The following LRRTM4 variants were observed in gnomAD, a reference collection of about 807,000 sequenced individuals.
LRRTM4 encodes leucine-rich repeat transmembrane neuronal protein 4.
Under a neutral mutation model 47.6 loss-of-function variants are expected in LRRTM4, and 25 were observed. The observed-to-expected ratio is 0.53, with a 90% CI of 0.38 to 0.73. LRRTM4 has a LOEUF of 0.73. Among genes scored for constraint, LRRTM4 ranks in the 30% least tolerant of loss-of-function variants. The pLI, the probability that LRRTM4 is intolerant of heterozygous loss-of-function variation, is 0.00. For missense variants in LRRTM4, 638 were observed against 713.4 expected, an observed-to-expected ratio of 0.89 and a Z score of 1.20; for synonymous variants, 311 against 269.5, an observed-to-expected ratio of 1.15 and a Z score of -1.51.
At chr2:77,442,823 T>C (rs1394963986) in intron 3 of LRRTM4, among the ~76,000 whole-genome samples, 3 of 152,176 alleles carry the variant, frequency 2.0e-5, no homozygotes, top group Admixed American at 6.5e-5. Flanking sequence ...AAAGATATTC[T>C]TGAAGAAGTG....
chr2:77,015,735 A>C (rs1678042527), intron 3 of LRRTM4, among the ~76,000 whole-genome samples: 1 of 152,178 alleles, frequency 6.6e-6, no homozygotes, highest in South Asian at 2.1e-4. Flanking sequence ...GATAGAAAAA[A>C]GGGGAAAAAG....
chr2:77,156,746 C>T (rs1291848972), intron 3 of LRRTM4, among the ~76,000 whole-genome samples: 1 of 148,460 alleles, frequency 6.7e-6, no homozygotes, highest in Non-Finnish European at 1.5e-5. Flanking sequence ...CTTACCCTGT[C>T]ACCCAGGCTA....
Position 77,303,278 on chromosome 2 carries a change from C to CAA in LRRTM4, c.1551+215038_1551+215039dup, listed in dbSNP as rs66763307. Among the ~76,000 whole-genome samples, 64 of 149,794 alleles carry CAA rather than the reference C, an allele frequency of 4.3e-4. 1 individual carries two copies. The South Asian group carries it at 0.013, about 30-fold the overall frequency. ...CTCCATCTCAAAACAAACAAACAAA[C>CAA]AAAAAAAAATGGTGTCCTTTCTTGT... On this transcript the variant is annotated intron_variant, in intron 3 of 3. Transcript: ENST00000409884.
intron 3 of LRRTM4, among the ~76,000 whole-genome samples, chr2:77,511,499 C>A (rs1377048681): frequency 1.3e-5 from 2 of 151,400 alleles, no homozygotes; most frequent in East Asian, 3.9e-4. Context: ...AATGCCATAA[C>A]CTTATTGAGT....
At chr2:76,830,515 C>CGTGTGTGTGT (rs57566911) in intron 3 of LRRTM4, among the ~76,000 whole-genome samples, 2,357 of 144,050 alleles carry the variant, frequency 0.016, 31 homozygotes, top group South Asian at 0.032. Context: ...GCAGTGTGTG[C>CGTGTGTGTGT]GTGTGTGTGT....
At chr2:77,098,232 A>C (rs571426570) in intron 3 of LRRTM4, among the ~76,000 whole-genome samples, 17 of 152,236 alleles carry the variant, frequency 1.1e-4, no homozygotes, top group African/African-American at 4.1e-4. Context: ...TGTAAAAATC[A>C]ACTTGGGAGA....
At chr2:77,001,251 C>T (rs1677416249) in intron 3 of LRRTM4, among the ~76,000 whole-genome samples, 1 of 152,094 alleles carries the variant, frequency 6.6e-6, no homozygotes, top group South Asian at 2.1e-4. Flanking sequence ...AGAGAAGACA[C>T]TTACTCTCCA....
At chr2:77,472,963 T>C (rs1161222111) in intron 3 of LRRTM4, among the ~76,000 whole-genome samples, 1 of 152,176 alleles carries the variant, frequency 6.6e-6, no homozygotes, top group Non-Finnish European at 1.5e-5. Flanking sequence ...ATTAAACCAA[T>C]TGTGATATAA....
At chr2:76,943,160 A>C (rs1675208257) in intron 3 of LRRTM4, among the ~76,000 whole-genome samples, 1 of 152,212 alleles carries the variant, frequency 6.6e-6, no homozygotes, top group Admixed American at 6.5e-5. Context: ...CTGGAGCCTG[A>C]AATCTCCAAA....
At chr2:77,322,826 A>ACTCT (rs61495510) in intron 3 of LRRTM4, among the ~76,000 whole-genome samples, 95 of 133,212 alleles carry the variant, frequency 7.1e-4, no homozygotes, top group Middle Eastern at 3.9e-3. Context: ...AACTACATAA[A>ACTCT]CTCTCTCTCT....
At chr2:77,225,680 C>T (rs1242062901) in intron 3 of LRRTM4, among the ~76,000 whole-genome samples, 1 of 151,942 alleles carries the variant, frequency 6.6e-6, no homozygotes, top group Non-Finnish European at 1.5e-5. Flanking sequence ...TTATTATTTG[C>T]CTACACCTAT....
At chr2:76,893,982 C>A (rs1024919977) in intron 3 of LRRTM4, among the ~76,000 whole-genome samples, 2 of 151,808 alleles carry the variant, frequency 1.3e-5, no homozygotes, top group Non-Finnish European at 2.9e-5. Context: ...AAGTTTGACA[C>A]AGTTAAGGCA....
intron 3 of LRRTM4, among the ~76,000 whole-genome samples, chr2:77,407,681 T>A (rs955705543): frequency 1.5e-5 from 2 of 137,786 alleles, no homozygotes; most frequent in South Asian, 2.1e-4. Flanking sequence ...TTATATAATA[T>A]TTAATATAAT....
chr2:77,502,537 T>G (rs551673956), intron 3 of LRRTM4, among the ~76,000 whole-genome samples: 1 of 151,632 alleles, frequency 6.6e-6, no homozygotes, highest in Non-Finnish European at 1.5e-5. Flanking sequence ...GGCAGAAAAT[T>G]TTTTAAAAAG....
chr2:77,058,763 T>C (rs1178526640), intron 3 of LRRTM4, among the ~76,000 whole-genome samples: 1 of 152,122 alleles, frequency 6.6e-6, no homozygotes, highest in East Asian at 1.9e-4. Flanking sequence ...TGTTTTCTTG[T>C]TTTCTATATT....
At chr2:77,072,687 T>C (rs1161380532) in intron 3 of LRRTM4, among the ~76,000 whole-genome samples, 1 of 150,594 alleles carries the variant, frequency 6.6e-6, no homozygotes, top group Non-Finnish European at 1.5e-5. Context: ...TAGTTCCAGC[T>C]ACTCGGGAGG....
chr2:77,209,301 G>A (rs1674227069), intron 3 of LRRTM4, among the ~76,000 whole-genome samples: 1 of 152,014 alleles, frequency 6.6e-6, no homozygotes, highest in Non-Finnish European at 1.5e-5. Context: ...ACCAGCAACT[G>A]AGGACTGGGC....
intron 3 of LRRTM4, among the ~76,000 whole-genome samples, chr2:77,348,137 CCTAT>C (rs758916362): frequency 2.0e-5 from 3 of 151,894 alleles, no homozygotes; most frequent in Non-Finnish European, 4.4e-5. Context: ...ATAGTCAAAA[CCTAT>C]CTGAGTGGTT....
At chr2:76,833,828 A>C (rs1406717603) in intron 3 of LRRTM4, among the ~76,000 whole-genome samples, 1 of 151,682 alleles carries the variant, frequency 6.6e-6, no homozygotes, top group East Asian at 1.9e-4. Flanking sequence ...TTTAATATGC[A>C]TGTACCTTAT....
Sources: gnomAD v4.1 joint callset for allele counts (sites outside exome capture counted in the v4.1 genomes callset) on GRCh38, gnomAD v4.1.1 for gene constraint, MANE v1.5 for transcripts, NCBI Gene and HGNC (gene_info 2026-07-23, HGNC 2026-07-21) for gene names.